EXOC4: variants seen among roughly 807,000 people sequenced by gnomAD.
EXOC4 encodes the protein exocyst complex component 4, also known as SEC8-like 1.
Under a neutral mutation model 107.2 loss-of-function variants are expected in EXOC4, and 71 were observed. The ratio of observed to expected loss-of-function variants is 0.66; its 90% CI spans 0.55 to 0.81. The LOEUF (loss-of-function observed/expected upper bound fraction) is 0.81, where lower values mean the gene tolerates loss of function less well. Ranked by LOEUF, EXOC4 falls within the 30% of genes least tolerant of loss-of-function variation. EXOC4 has a pLI of 0.00. For synonymous variants in EXOC4, 456 were observed against 441.2 expected (o/e 1.03, Z -0.42); for missense variants, 1,108 against 1,189.6 (o/e 0.93, Z 1.01).
At chr7:133,794,495 GA>G (rs1206149725) in intron 10 of EXOC4, among the ~76,000 whole-genome samples, 1 of 152,080 alleles carries the variant, frequency 6.6e-6, no homozygotes, top group African/African-American at 2.4e-5. Context: ...CAGCATTTGC[GA>G]AATCTCAAAA....
At chr7:133,431,798 A>G (rs1339903457) in intron 7 of EXOC4, among the ~76,000 whole-genome samples, 1 of 152,224 alleles carries the variant, frequency 6.6e-6, no homozygotes, top group Non-Finnish European at 1.5e-5. Context: ...GCTGCAGACT[A>G]CAGGTAGACA....
At chr7:134,017,281 T>A (rs931801599) in intron 17 of EXOC4, among the ~76,000 whole-genome samples, 3 of 152,210 alleles carry the variant, frequency 2.0e-5, no homozygotes, top group African/African-American at 7.2e-5. Flanking sequence ...AAATTCTTTT[T>A]TTAATGATGA....
chr7:133,865,773 G>A (rs1798625349), intron 11 of EXOC4, among the ~76,000 whole-genome samples: 1 of 152,144 alleles, frequency 6.6e-6, no homozygotes, highest in Admixed American at 6.5e-5. Flanking sequence ...CAGATCTTGT[G>A]AGAACTCACT....
At chr7:133,327,558 T>C (rs1376734458) in intron 5 of EXOC4, among the ~76,000 whole-genome samples, 1 of 152,172 alleles carries the variant, frequency 6.6e-6, no homozygotes, top group East Asian at 1.9e-4. Context: ...CTTTCCTGCT[T>C]TCTCTTGTGG....
intron 10 of EXOC4, among the ~76,000 whole-genome samples, chr7:133,646,673 AACT>A (rs1803000413): frequency 6.6e-6 from 1 of 152,162 alleles, no homozygotes; most frequent in African/African-American, 2.4e-5. Flanking sequence ...GATGTTGAAT[AACT>A]ACTAAGAGAG....
At chr7:133,596,492 G>A (rs376429487) in intron 9 of EXOC4, among the ~76,000 whole-genome samples, 8 of 152,148 alleles carry the variant, frequency 5.3e-5, no homozygotes, top group South Asian at 4.2e-4. Context: ...GTTTATAATC[G>A]TTTGTTTGTT....
intron 10 of EXOC4, among the ~76,000 whole-genome samples, chr7:133,691,435 T>C (rs1401736046): frequency 6.6e-6 from 1 of 152,208 alleles, no homozygotes; most frequent in African/African-American, 2.4e-5. Context: ...GATAATACTT[T>C]GTAATGTAAT....
In EXOC4 at chr7:133,281,832, G is replaced by T. The variant is rs980808344; in HGVS notation, c.276+6661G>T. On this transcript the variant is annotated intron_variant, in intron 2 of 17. Coordinates refer to ENST00000253861, the MANE Select transcript of EXOC4 (RefSeq NM_021807.4). ...TTCTCCTGCCTCACCCTCCCAAGTAGCTAGGATTATAGGTACCCACCACCA... is the reference window on the plus strand; with the variant it reads ...TTCTCCTGCCTCACCCTCCCAAGTATCTAGGATTATAGGTACCCACCACCA... Among the ~76,000 whole-genome samples the T allele has an allele frequency of 2.0e-5, 3 of 151,332 alleles. No homozygotes were observed. The East Asian group carries it at 5.8e-4, about 29-fold the overall frequency.
chr7:133,848,313 C>T (rs57448800), intron 11 of EXOC4, among the ~76,000 whole-genome samples: 15,558 of 152,080 alleles, frequency 0.1, 944 homozygotes, highest in Middle Eastern at 0.14. Context: ...ATATCAACTC[C>T]GGCAGTCAAT....
chr7:133,808,838 T>C (rs1797145175), intron 10 of EXOC4, among the ~76,000 whole-genome samples: 1 of 152,172 alleles, frequency 6.6e-6, no homozygotes, highest in South Asian at 2.1e-4. Flanking sequence ...AGTCCATGAT[T>C]TCCCTTAGAG....
At chr7:133,724,412 G>A (rs1489694026) in intron 10 of EXOC4, among the ~76,000 whole-genome samples, 1 of 152,094 alleles carries the variant, frequency 6.6e-6, no homozygotes, top group Non-Finnish European at 1.5e-5. Flanking sequence ...TTTGCTGGGT[G>A]TTTTCATTCA....
intron 17 of EXOC4, among the ~76,000 whole-genome samples, chr7:134,022,384 T>C (rs1350221652): frequency 1.3e-5 from 2 of 152,206 alleles, no homozygotes; most frequent in Admixed American, 1.3e-4. Context: ...GTTTCGTAGC[T>C]ATTGGCTATC....
rs939911492 is a variant in EXOC4 at position 133,461,607 on chromosome 7, A to G, written c.1183-13721A>G. On this transcript the variant is annotated intron_variant, in intron 7 of 17. Transcript: ENST00000253861. ...GTAATTTGGGTCTTTTCCAAGATGC[A>G]TTAACTCTTTCAGGTCGTTAGGGTG... is the stretch of plus-strand genomic sequence containing the variant. Among the ~76,000 whole-genome samples, 4 of 152,194 alleles carry G rather than the reference A, an allele frequency of 2.6e-5. No homozygotes were observed. In the South Asian group the frequency reaches 6.2e-4, roughly 24 times the overall value.
intron 10 of EXOC4, among the ~76,000 whole-genome samples, chr7:133,638,479 T>A (rs1266442108): frequency 1.3e-5 from 2 of 152,170 alleles, no homozygotes; most frequent in Non-Finnish European, 2.9e-5. Context: ...TGATTATCAT[T>A]GGCAGAGTCA....
intron 14 of EXOC4, among the ~76,000 whole-genome samples, chr7:133,955,936 C>T (rs769085732): frequency 4.6e-5 from 7 of 152,206 alleles, no homozygotes; most frequent in Non-Finnish European, 8.8e-5. Flanking sequence ...TCTGAGCCTT[C>T]AGGGGCAGTT....
chr7:133,500,772 C>G (rs1317324891), intron 9 of EXOC4, among the ~76,000 whole-genome samples: 1 of 152,130 alleles, frequency 6.6e-6, no homozygotes, highest in Non-Finnish European at 1.5e-5. Context: ...TTGGTATTGT[C>G]AGTTCTTTTA....
chr7:133,639,901 A>AG (rs1802810033), intron 10 of EXOC4, among the ~76,000 whole-genome samples: 2 of 152,118 alleles, frequency 1.3e-5, no homozygotes, highest in Admixed American at 6.6e-5. Context: ...AGAAAAAAAA[A>AG]CTAACACTAA....
intron 13 of EXOC4, among the ~76,000 whole-genome samples, chr7:133,935,523 G>A (rs2116717343): frequency 6.6e-6 from 1 of 152,230 alleles, no homozygotes; most frequent in East Asian, 1.9e-4. Context: ...TGAAAGTCTG[G>A]GCTGTAAGAC....
At chr7:133,998,933 A>T (rs551708011) in intron 15 of EXOC4, among the ~76,000 whole-genome samples, 1 of 152,200 alleles carries the variant, frequency 6.6e-6, no homozygotes, top group African/African-American at 2.4e-5. Context: ...ATTGTATTGG[A>T]CACAGGGGCT....
Sources: gnomAD v4.1 joint callset for allele counts (sites outside exome capture counted in the v4.1 genomes callset) on GRCh38, gnomAD v4.1.1 for gene constraint, MANE v1.5 for transcripts, NCBI Gene and HGNC (gene_info 2026-07-23, HGNC 2026-07-21) for gene names.